The following FBXW11 variants were observed in gnomAD, a reference collection of about 807,000 sequenced individuals.
FBXW11 encodes the protein F-box and WD repeat domain containing 11.
In FBXW11, 19 loss-of-function variants were observed where a neutral mutation model predicts 77.6. The ratio of observed to expected loss-of-function variants is 0.24; its 90% CI spans 0.17 to 0.36. FBXW11 has a LOEUF of 0.36. Among genes scored for constraint, FBXW11 ranks in the 10% least tolerant of loss-of-function variants. FBXW11 has a pLI of 1.00. For synonymous variants in FBXW11, 235 were observed against 249.4 expected, an observed-to-expected ratio of 0.94 and a Z score of 0.54; for missense variants, 334 against 704.2, an observed-to-expected ratio of 0.47 and a Z score of 5.95.
intron 1 of FBXW11, among the ~76,000 whole-genome samples, chr5:172,004,662 G>T (rs902361803): frequency 6.6e-6 from 1 of 152,236 alleles, no homozygotes; most frequent in Middle Eastern, 3.4e-3. Flanking sequence ...ACAATTTTTC[G>T]ATATGAAGTA....
At chr5:171,914,000 G>A (rs932991132) in intron 3 of FBXW11, among the ~76,000 whole-genome samples, 3 of 152,182 alleles carry the variant, frequency 2.0e-5, no homozygotes, top group African/African-American at 7.2e-5. Context: ...AGAGCAAAAG[G>A]AGAAAAGGTC....
chr5:171,966,461 A>G (rs1232724042), intron 1 of FBXW11, among the ~76,000 whole-genome samples: 1 of 152,180 alleles, frequency 6.6e-6, no homozygotes, highest in African/African-American at 2.4e-5. Flanking sequence ...TTGAGGTGGG[A>G]AGTGGAATCT....
rs911275537 is a variant in FBXW11 at position 171,988,544 on chromosome 5, T to A, written c.45+17914A>T. ...GAAAAATGGGGGCAGCCTGTGGGAG[T>A]GGCAATTTAAAAACTACAATTCTGG... On this transcript the variant is annotated intron_variant, in intron 1 of 13. Transcript: ENST00000517395. 3.3e-5 allele frequency among the ~76,000 whole-genome samples: 5 copies of A among 151,846 alleles called. 1 individual carries two copies. The highest frequency in any genetic ancestry group is 4.2e-4 in the South Asian group (2 of 4,804).
intron 2 of FBXW11, among the ~76,000 whole-genome samples, chr5:171,944,574 CAAAAAAAAAAA>C (rs34106047): frequency 1.2e-5 from 1 of 80,566 alleles, no homozygotes. Context: ...GACTCCATCT[CAAAAAAAAAAA>C]AAAAAAAAAC....
At chr5:171,962,238 A>G (rs1763949198) in intron 1 of FBXW11, among the ~76,000 whole-genome samples, 2 of 152,178 alleles carry the variant, frequency 1.3e-5, no homozygotes, top group Admixed American at 6.5e-5. Flanking sequence ...AATACACACT[A>G]AGCCTCTTTC....
At chr5:171,954,460 C>T (rs1264392736) in intron 2 of FBXW11, among the ~76,000 whole-genome samples, 1 of 152,180 alleles carries the variant, frequency 6.6e-6, no homozygotes, top group African/African-American at 2.4e-5. Context: ...ATAAATGATA[C>T]ATACTATTAT....
intron 7 of FBXW11, among the ~76,000 whole-genome samples, chr5:171,889,855 T>G (rs1450583914): frequency 1.3e-5 from 2 of 152,096 alleles, no homozygotes; most frequent in East Asian, 3.9e-4. Context: ...GCCATTGCAC[T>G]CTAATCTAGC....
intron 7 of FBXW11, among the ~76,000 whole-genome samples, chr5:171,887,967 T>C (rs1464186726): frequency 6.6e-6 from 1 of 152,178 alleles, no homozygotes; most frequent in Non-Finnish European, 1.5e-5. Context: ...CTTTTTCTCT[T>C]TTCTTCCTTC....
chr5:171,877,539 A>G (rs555871768), intron 8 of FBXW11, among the ~76,000 whole-genome samples: 3 of 152,264 alleles, frequency 2.0e-5, no homozygotes, highest in African/African-American at 7.2e-5. Flanking sequence ...ACAAGTTCAC[A>G]TAGGGCAGAG....
In FBXW11 at chr5:171,899,064, T is replaced by C. The variant is rs1357934542; in HGVS notation, c.654A>G (p.Thr218=). The change falls in exon 6 of 14, where the codon ACA becomes ACG. Residue 218 remains threonine, a synonymous_variant. Transcript: ENST00000517395. ...TATAAAATGAATTTGGAGGGCCATC[T>C]GTGGGTCTGTTTTTAAACAGGTACT... is the stretch of plus-strand genomic sequence containing the variant. ...WDQYLFKNRP[T]DGPPNSFYRS... 6.2e-7 allele frequency: 1 copy of C among 1,609,482 alleles called. No individual in the cohort carries two copies. Among genetic ancestry groups the C allele is most frequent in the Admixed American group, 1.7e-5 (1 of 58,918 alleles).
chr5:171,977,279 C>CAGG (rs1764883089), intron 1 of FBXW11, among the ~76,000 whole-genome samples: 1 of 143,708 alleles, frequency 7.0e-6, no homozygotes, highest in Non-Finnish European at 1.5e-5. Flanking sequence ...CACTGCACTC[C>CAGG]AGCCTGGGCA....
At chr5:171,998,073 G>A (rs1403028620) in intron 1 of FBXW11, among the ~76,000 whole-genome samples, 3 of 152,200 alleles carry the variant, frequency 2.0e-5, no homozygotes, top group South Asian at 2.1e-4. Context: ...CCTTTTCATG[G>A]AGCACTATGG....
intron 1 of FBXW11, among the ~76,000 whole-genome samples, chr5:171,960,142 G>A (rs754571106): frequency 2.0e-5 from 3 of 152,286 alleles, no homozygotes; most frequent in East Asian, 1.9e-4. Flanking sequence ...TTGGGAGGCC[G>A]AGGTGGTGGG....
At chr5:171,987,824 C>T (rs1438623142) in intron 1 of FBXW11, among the ~76,000 whole-genome samples, 2 of 152,142 alleles carry the variant, frequency 1.3e-5, no homozygotes, top group African/African-American at 4.8e-5. Context: ...TGTTTGTCTA[C>T]TTCCCGTGAT....
At chr5:171,998,868 A>G (rs1302320845) in intron 1 of FBXW11, among the ~76,000 whole-genome samples, 2 of 152,008 alleles carry the variant, frequency 1.3e-5, no homozygotes, top group African/African-American at 2.4e-5. Flanking sequence ...TGTGTTTAGC[A>G]GCAAAGATTG....
intron 1 of FBXW11, among the ~76,000 whole-genome samples, chr5:171,992,672 C>G (rs1023234999): frequency 1.3e-5 from 2 of 152,118 alleles, no homozygotes; most frequent in Non-Finnish European, 2.9e-5. Context: ...TACATACATT[C>G]TTCAGTCTAT....
chr5:171,910,881 T>C, intron 3 of FBXW11, 84 bp from the exon 4 acceptor site: 1 of 1,004,284 alleles, frequency 1.0e-6, no homozygotes, highest in East Asian at 2.7e-5. Flanking sequence ...TTTCACCCTG[T>C]GTATTTAATC....
At chr5:171,941,207 ATATTATGTAC>A (rs1762737599) in intron 2 of FBXW11, among the ~76,000 whole-genome samples, 1 of 152,214 alleles carries the variant, frequency 6.6e-6, no homozygotes, top group African/African-American at 2.4e-5. Context: ...AGAGAAATCA[ATATTATGTAC>A]TACCTGAGAG....
chr5:171,875,745 C>G lies in FBXW11; in HGVS notation c.1221+540G>C, dbSNP rs918908467. 8.5e-5 allele frequency among the ~76,000 whole-genome samples: 13 copies of G among 152,138 alleles called. No homozygotes were observed. In the South Asian group the frequency reaches 1.0e-3, roughly 12 times the overall value. On this transcript the variant is annotated intron_variant, in intron 9 of 13. Transcript: ENST00000517395. ...ACTCCTTGTTACAAGTCTGCCTCCC[C>G]CTTCACCGCATGCTAAGCTTCTTGA...
Sources: allele counts gnomAD v4.1 joint callset (sites outside exome capture counted in the v4.1 genomes callset), GRCh38; gene constraint gnomAD v4.1.1; transcripts MANE v1.5; gene names NCBI Gene and HGNC (gene_info 2026-07-23, HGNC 2026-07-21).